The following GIGYF1 variants were observed in gnomAD, a reference collection of about 807,000 sequenced individuals.
The protein encoded by GIGYF1 is GRB10 interacting GYF protein 1.
In GIGYF1, 84 loss-of-function variants were observed where a neutral mutation model predicts 147.1. The ratio of observed to expected loss-of-function variants is 0.57; its 90% CI spans 0.48 to 0.68. GIGYF1 has a LOEUF of 0.68. Ranked by LOEUF, GIGYF1 falls within the 30% of genes least tolerant of loss-of-function variation. GIGYF1 has a pLI of 0.00. For synonymous variants in GIGYF1, 752 were observed against 589.5 expected (o/e 1.28, Z -3.99); for missense variants, 1,485 against 1,393.7 (o/e 1.07, Z -1.04).
intron 13 of GIGYF1, 95 bp downstream of exon 13, chr7:100,685,249 A>C: frequency 6.5e-7 from 1 of 1,530,918 alleles, no homozygotes; most frequent in Non-Finnish European, 8.9e-7. Flanking sequence ...ATGGCTCCTC[A>C]ATGTGAATGC....
chr7:100,684,027 G>T lies in GIGYF1; in HGVS notation c.1861C>A (p.Pro621Thr), dbSNP rs150182297. The T allele has an allele frequency of 6.2e-7, 1 of 1,605,170 alleles. No homozygotes were observed. The highest frequency in any genetic ancestry group is 1.1e-5 in the South Asian group (1 of 90,800). The change falls in exon 18 of 27, where the codon CCC (proline) becomes ACC (threonine). Residue 621 changes from proline to threonine, a missense_variant. Physicochemically the swap from Pro to Thr is conservative, Grantham distance 38. Coordinates refer to ENST00000678049, the MANE Select transcript of GIGYF1 (RefSeq NM_001375765.1). ...CTCGCACGCACCACGCACCTGGGGGGTTTGAGCGCCTGGAGCTGCTGCAGG... is the reference window on the plus strand; with the variant it reads ...CTCGCACGCACCACGCACCTGGGGGTTTTGAGCGCCTGGAGCTGCTGCAGG... ...AFLQQLQALK[P>T]PRGGDQNLLP...
At chr7:100,691,918 G>A (rs887777993) in intron 1 of GIGYF1, among the ~76,000 whole-genome samples, 2 of 152,282 alleles carry the variant, frequency 1.3e-5, no homozygotes, top group African/African-American at 4.8e-5. Flanking sequence ...GCTCTCTGGG[G>A]CTCAGAACTC....
rs367822871 is a variant in GIGYF1, at chr7:100,683,390, T to C, written c.2107A>G (p.Lys703Glu). 2 of 1,613,536 alleles carry C rather than the reference T, an allele frequency of 1.2e-6. No individual in the cohort carries two copies. The highest frequency in any genetic ancestry group is 1.7e-6 in the Non-Finnish European group (2 of 1,180,022). ...LRAKREEEER[K>E]RREEKRRQQQ... ...TGGCGGCGCTTCTCCTCTCGACGCTTGCGTTCCTCTTCCTCCCGCTTCGCC... is the reference window on the plus strand; with the variant it reads ...TGGCGGCGCTTCTCCTCTCGACGCTCGCGTTCCTCTTCCTCCCGCTTCGCC... Residue 703 changes from lysine to glutamate, a missense_variant, in exon 21 of 27, where the codon AAG (lysine) becomes GAG (glutamate). Lys to Glu is a moderately conservative substitution (Grantham distance 56). Transcript: ENST00000678049.
intron 1 of GIGYF1, among the ~76,000 whole-genome samples, chr7:100,690,842 G>C (rs1306099357): frequency 2.0e-5 from 3 of 150,658 alleles, no homozygotes; most frequent in African/African-American, 7.3e-5. Flanking sequence ...GCCAGGCGCA[G>C]CAAGGGCAGC....
rs1399535831 is a variant in GIGYF1, at chr7:100,681,858, G to C, written c.3055+6C>G. ...GAAGTCCCGCTCCTGCCCCAGCCCA[G>C]CTCACCCAGGATGCTGGGGTCTGAG... On this transcript the variant is annotated splice_donor_region_variant and intron_variant, in intron 26 of 26. Coordinates refer to ENST00000678049, the MANE Select transcript of GIGYF1 (RefSeq NM_001375765.1). The C allele has an allele frequency of 2.5e-6, 4 of 1,612,346 alleles. No homozygotes were observed. In the Admixed American group the frequency reaches 6.7e-5, roughly 27 times the overall value.
rs1239377273 is a variant in GIGYF1 at position 100,681,659 on chromosome 7, T to TC, written c.*59dup. On this transcript the variant is annotated 3_prime_UTR_variant, in exon 27 of 27. Transcript: ENST00000678049. ...GCGGGGAGCCTGCAGGCTGGGACCCTCGGTCCACGCCGCTGTGGCTGCCCT... is the reference window on the plus strand; with the variant it reads ...GCGGGGAGCCTGCAGGCTGGGACCCTCCGGTCCACGCCGCTGTGGCTGCCCT... 2.2e-5 allele frequency: 33 copies of TC among 1,475,616 alleles called. No homozygotes were observed. The highest frequency in any genetic ancestry group is 3.0e-5 in the Non-Finnish European group (33 of 1,103,248). 91.4% of individuals were successfully genotyped at this position (1,475,616 alleles called of 1,614,324 possible). A position where few individuals can be genotyped will look rare whatever the true frequency, so the allele number is the denominator to read the frequency against.
chr7:100,686,142 G>A (rs376174933), intron 11 of GIGYF1, 38 bp downstream of exon 11: 178 of 1,600,746 alleles, frequency 1.1e-4, no homozygotes, highest in Non-Finnish European at 1.4e-4. Context: ...AGAGGACCCC[G>A]GAAGGGCAGG....
At position 100,680,631 on chromosome 7, in the gene GIGYF1, T is replaced by G. The variant is rs1422835111; in HGVS notation, c.*1088A>C. On this transcript the variant is annotated 3_prime_UTR_variant, in exon 27 of 27. Transcript: ENST00000678049. ...CACATCTTACGAGCTGGCTACAGGT[T>G]GGGGCCCCGGGCGGCAGCCCCTCTA... 6.6e-6 allele frequency: 1 copy of G among 152,540 alleles called. No individual in the cohort carries two copies. Among genetic ancestry groups the G allele is most frequent in the Non-Finnish European group, 1.5e-5 (1 of 68,116 alleles). 9.4% of individuals were successfully genotyped at this position (152,540 alleles called of 1,614,324 possible). A position where few individuals can be genotyped will look rare whatever the true frequency, so the allele number is the denominator to read the frequency against.
rs752467101 is a variant in GIGYF1 at position 100,682,059 on chromosome 7, C to G, written c.2925+13G>C. The G allele has an allele frequency of 1.2e-6, 2 of 1,611,674 alleles. No homozygotes were observed. Among genetic ancestry groups the G allele is most frequent in the Admixed American group, 3.3e-5 (2 of 59,920 alleles). On this transcript the variant is annotated intron_variant, in intron 25 of 26. Coordinates refer to ENST00000678049, the MANE Select transcript of GIGYF1 (RefSeq NM_001375765.1). ...GGCAAGCCCACCCCAGCTGCTGGTG[C>G]CGGCTGCCTCACCTGCTGCTGCTGC...
chr7:100,680,187 A>AAAAAAAAC lies in GIGYF1; in HGVS notation c.*1531_*1532insGTTTTTTT, dbSNP rs1804595527. ...GTGCAAAAAAAAAAAAAAAAAAAAA[A>AAAAAAAAC]AAATCCAACAACAGAAAACCAAACA... is the stretch of plus-strand genomic sequence containing the variant. On this transcript the variant is annotated 3_prime_UTR_variant, in exon 27 of 27. Transcript: ENST00000678049. The AAAAAAAAC allele has an allele frequency of 6.6e-6, 1 of 151,972 alleles. No individual in the cohort carries two copies. Among genetic ancestry groups the AAAAAAAAC allele is most frequent in the African/African-American group, 2.4e-5 (1 of 41,314 alleles). 9.4% of individuals were successfully genotyped at this position (151,972 alleles called of 1,614,324 possible). A position where few individuals can be genotyped will look rare whatever the true frequency, so the allele number is the denominator to read the frequency against.
At position 100,682,605 on chromosome 7, in the gene GIGYF1, C is replaced by T; in HGVS notation, c.2585G>A (p.Ser862Asn). ...CCACGCCCACCTGAGAGATGGGCTGCTCCGGCTGTTCTTCAGGCCGAGGCC... is the reference window on the plus strand; with the variant it reads ...CCACGCCCACCTGAGAGATGGGCTGTTCCGGCTGTTCTTCAGGCCGAGGCC... ...VRGLGLKNSR[S>N]SPSLSDSYSH... The change falls in exon 23 of 27, where the codon AGC (serine) becomes AAC (asparagine). Residue 862 changes from serine (S) to asparagine (N), a missense_variant. By Grantham distance (46) the Ser-to-Asn change is conservative. Transcript: ENST00000678049. 1.3e-6 allele frequency: 2 copies of T among 1,597,526 alleles called. No individual in the cohort carries two copies. The highest frequency in any genetic ancestry group is 2.2e-5 in the East Asian group (1 of 44,676).
In GIGYF1 at chr7:100,684,274, G is replaced by T; in HGVS notation, c.1693C>A (p.Gln565Lys). 1 of 1,608,462 alleles carries T rather than the reference G, an allele frequency of 6.2e-7. No homozygotes were observed. Residue 565 changes from glutamine to lysine, a missense_variant, in exon 17 of 27, where the codon CAG (glutamine) becomes AAG (lysine). Coordinates refer to ENST00000678049, the MANE Select transcript of GIGYF1 (RefSeq NM_001375765.1). ...TGGAGAAACTGCTGGTGCTGCAGCT[G>T]CTGGTACAAGGCCGCCGCGGCCAGC... is the stretch of plus-strand genomic sequence containing the variant. ...QELAAAALYQ[Q>K]LQHQQFLQLV...
intron 8 of GIGYF1, 53 bp downstream of exon 8, chr7:100,687,245 G>A: frequency 6.5e-7 from 1 of 1,549,364 alleles, no homozygotes; most frequent in Non-Finnish European, 8.9e-7. Flanking sequence ...CAGGGCCCAG[G>A]CCTCCCCTCC....
chr7:100,680,378 C>A lies in GIGYF1; in HGVS notation c.*1341G>T, dbSNP rs1054239278. The A allele has an allele frequency of 5.2e-5, 8 of 152,480 alleles. No homozygotes were observed. Among genetic ancestry groups the A allele is most frequent in the Non-Finnish European group, 1.2e-4 (8 of 68,032 alleles). The allele number at this position is 152,480 out of a possible 1,614,324, so 9.4% of individuals were successfully genotyped here. On this transcript the variant is annotated 3_prime_UTR_variant, in exon 27 of 27. Coordinates refer to ENST00000678049, the MANE Select transcript of GIGYF1 (RefSeq NM_001375765.1). The stretch of plus-strand genomic sequence containing the variant: ...GGAGCTGGATGAGAAACCCAAAAGA[C>A]AAAACTGTTACAAAACCCAAAATGG...
intron 14 of GIGYF1, 71 bp from the exon 15 acceptor site, chr7:100,684,965 A>G (rs1246021342): frequency 6.3e-7 from 1 of 1,577,498 alleles, no homozygotes; most frequent in Non-Finnish European, 8.6e-7. Context: ...ATGGGGATGG[A>G]GCTTGAGCTG....
intron 8 of GIGYF1, 45 bp from the exon 9 acceptor site, chr7:100,687,091 C>T: frequency 6.2e-7 from 1 of 1,612,632 alleles, no homozygotes; most frequent in South Asian, 1.1e-5. Flanking sequence ...ACAGCCTCCC[C>T]TGCCACCCTG....
intron 10 of GIGYF1, 96 bp from the exon 11 acceptor site, chr7:100,686,529 T>C: frequency 1.3e-6 from 2 of 1,515,468 alleles, no homozygotes. Context: ...AGGGCTGCTG[T>C]CCCGGCCACT....
chr7:100,682,682 G>A lies in GIGYF1; in HGVS notation c.2508C>T (p.Ser836=), dbSNP rs765159954. ...GGPDKSGGGS[S]GLGLWEDTPK... ...GGGTGTCCTCCCAGAGCCCCAGGCC[G>A]CTGCTGCCGCCCCCACTCTTGTCTG... The change falls in exon 23 of 27, where the codon AGC becomes AGT. Residue 836 remains serine, a synonymous_variant. Coordinates refer to ENST00000678049, the MANE Select transcript of GIGYF1 (RefSeq NM_001375765.1). The A allele has an allele frequency of 1.7e-5, 27 of 1,600,140 alleles. No homozygotes were observed. Among genetic ancestry groups the A allele is most frequent in the South Asian group, 3.4e-5 (3 of 89,540 alleles).
intron 22 of GIGYF1, 48 bp downstream of exon 22, chr7:100,682,964 C>T (rs977843545): frequency 7.1e-7 from 1 of 1,411,848 alleles, no homozygotes; most frequent in Non-Finnish European, 9.4e-7. Flanking sequence ...CTCCCTGTGC[C>T]ACCCTGGAAA....
Sources: gnomAD v4.1 joint callset for allele counts (sites outside exome capture counted in the v4.1 genomes callset) on GRCh38, gnomAD v4.1.1 for gene constraint, MANE v1.5 for transcripts, NCBI Gene and HGNC (gene_info 2026-07-23, HGNC 2026-07-21) for gene names.